The following HIVEP3 variants were observed in gnomAD, a reference collection of about 807,000 sequenced individuals.
The protein encoded by HIVEP3 is transcription factor HIVEP3.
In HIVEP3, 49 loss-of-function variants were observed where a neutral mutation model predicts 152.8. The ratio of observed to expected loss-of-function variants is 0.32; its 90% CI spans 0.26 to 0.41. HIVEP3 has a LOEUF of 0.41. Ranked by LOEUF, HIVEP3 falls within the 10% of genes least tolerant of loss-of-function variation. The probability of loss-of-function intolerance (pLI) is 1.00; values close to 1 mark genes in which losing one functional copy is unlikely to be tolerated. For missense variants in HIVEP3, 2,790 were observed against 3,103.3 expected, an observed-to-expected ratio of 0.90 and a Z score of 2.40; for synonymous variants, 1,269 against 1,289.0, an observed-to-expected ratio of 0.98 and a Z score of 0.33.
chr1:41,638,398 G>A (rs1020010423), intron 2 of HIVEP3, among the ~76,000 whole-genome samples: 2 of 142,054 alleles, frequency 1.4e-5, no homozygotes, highest in African/African-American at 5.2e-5. Flanking sequence ...AGAAAGAAAA[G>A]AAAGAAAGGA....
rs551824721 is a variant in HIVEP3 at position 41,511,455 on chromosome 1, A to G, written c.6406-189T>C. ...TGCTGAGCCAGCTGCCATCTCTGGA[A>G]TGGGCCATCTCCAGCTCGACAGTGA... On this transcript the variant is annotated intron_variant, in intron 8 of 8. Transcript: ENST00000372583. This position sits in a 1 kb window ranked among gnomAD's most constrained non-coding sequence, Gnocchi z 4.9. 4.9e-3 allele frequency among the ~76,000 whole-genome samples: 743 copies of G among 152,268 alleles called. 9 individuals carry two copies. Among genetic ancestry groups the G allele is most frequent in the African/African-American group, 0.017 (707 of 41,566 alleles).
At chr1:41,732,600 T>G (rs1035288469) in intron 1 of HIVEP3, among the ~76,000 whole-genome samples, 2 of 152,068 alleles carry the variant, frequency 1.3e-5, no homozygotes, top group Non-Finnish European at 2.9e-5. Context: ...CTACATGGCT[T>G]TGTACCCAAG....
rs150725957 is a variant in HIVEP3 at position 41,807,779 on chromosome 1, G to A, written c.-800-106784C>T. Among the ~76,000 whole-genome samples the A allele has an allele frequency of 2.9e-3, 439 of 152,324 alleles. 7 individuals are homozygous for A. Among genetic ancestry groups the A allele is most frequent in the Admixed American group, 0.026 (400 of 15,306 alleles). On this transcript the variant is annotated intron_variant, in intron 1 of 8. Coordinates refer to ENST00000372583, the MANE Select transcript of HIVEP3 (RefSeq NM_024503.5). ...CCCATCTGGGGAAGCATTTCATGACGGTTGTGATGCTTGCCCTGGATCTGA... is the reference window on the plus strand; with the variant it reads ...CCCATCTGGGGAAGCATTTCATGACAGTTGTGATGCTTGCCCTGGATCTGA...
intron 1 of HIVEP3, among the ~76,000 whole-genome samples, chr1:41,791,829 C>T (rs760428498): frequency 1.3e-5 from 2 of 151,978 alleles, no homozygotes; most frequent in African/African-American, 4.8e-5. Flanking sequence ...CCCTCCCCAC[C>T]CCCAAACCCC....
chr1:41,702,681 T>C (rs946869646), intron 1 of HIVEP3, among the ~76,000 whole-genome samples: 1 of 152,224 alleles, frequency 6.6e-6, no homozygotes, highest in African/African-American at 2.4e-5. Context: ...TGTGAGCCCC[T>C]AGGGGCATAG....
At chr1:41,663,280 G>A (rs1645747219) in intron 2 of HIVEP3, among the ~76,000 whole-genome samples, 1 of 152,240 alleles carries the variant, frequency 6.6e-6, no homozygotes, top group Non-Finnish European at 1.5e-5. Flanking sequence ...CTGACTCCAG[G>A]AACAGCCTCA....
chr1:41,980,407 C>A (rs575804391), intron 1 of HIVEP3, among the ~76,000 whole-genome samples: 1 of 152,128 alleles, frequency 6.6e-6, no homozygotes, highest in Non-Finnish European at 1.5e-5. Context: ...TGCTACAATG[C>A]GATGAATGTC....
intron 1 of HIVEP3, among the ~76,000 whole-genome samples, chr1:41,899,192 T>C (rs925607520): frequency 6.6e-6 from 1 of 152,242 alleles, no homozygotes; most frequent in Non-Finnish European, 1.5e-5. Flanking sequence ...CCTGAAGAAA[T>C]AACTTGTTCA....
intron 1 of HIVEP3, among the ~76,000 whole-genome samples, chr1:41,971,997 A>G (rs970883533): frequency 1.3e-5 from 2 of 152,128 alleles, no homozygotes; most frequent in Admixed American, 1.3e-4. Context: ...CAGACACCAA[A>G]TCTGCTGGTG....
At chr1:41,748,050 C>T (rs1172780973) in intron 1 of HIVEP3, among the ~76,000 whole-genome samples, 1 of 152,182 alleles carries the variant, frequency 6.6e-6, no homozygotes, top group Non-Finnish European at 1.5e-5. Context: ...CCAGGGCAGG[C>T]ACATGGTTCA....
intron 7 of HIVEP3, among the ~76,000 whole-genome samples, chr1:41,515,348 G>A (rs1642573025): frequency 6.6e-6 from 1 of 152,248 alleles, no homozygotes; most frequent in Admixed American, 6.5e-5. Context: ...AAAGCTATGG[G>A]GTGGAGCTGG....
At chr1:41,859,855 G>C (rs1643865012) in intron 1 of HIVEP3, among the ~76,000 whole-genome samples, 1 of 152,168 alleles carries the variant, frequency 6.6e-6, no homozygotes. Context: ...TAAAAAGGAA[G>C]CCCGTTTTCA....
chr1:41,995,186 A>G lies in HIVEP3; in HGVS notation n.119+40621T>C, dbSNP rs181988974. On this transcript the variant is annotated intron_variant and non_coding_transcript_variant, in intron 1 of 3. Transcript: ENST00000489103. ...GAAAGGCCCAGTGAAACCCAATCGC[A>G]CTAAGTGGAAGAAACCCACTCCTAG... 1.1e-3 allele frequency among the ~76,000 whole-genome samples: 168 copies of G among 152,220 alleles called. 1 individual carries two copies. The East Asian group carries it at 0.029, about 26-fold the overall frequency.
rs12406524 is a variant in HIVEP3, at chr1:41,510,649, G to A, written c.7023C>T (p.Pro2341=). 4.0e-3 allele frequency: 6,171 copies of A among 1,537,602 alleles called. 183 individuals carry two copies. In the East Asian group the frequency reaches 0.082, roughly 20 times the overall value. Residue 2341 remains proline, a synonymous_variant, in exon 9 of 9, where the codon CCC becomes CCT. Transcript: ENST00000372583. The stretch of plus-strand genomic sequence containing the variant: ...CCAGCGGCGGGGTGGCAGAAGGCTC[G>A]GGGTTGGTCGGTGCACGCGGGGACT... ...RLESPRAPTN[P]EPSATPPLDR...
intron 1 of HIVEP3, among the ~76,000 whole-genome samples, chr1:41,710,475 G>T (rs1646496425): frequency 6.6e-6 from 1 of 152,136 alleles, no homozygotes; most frequent in Admixed American, 6.5e-5. Flanking sequence ...AGAGCCTTAT[G>T]GAATGGCTCT....
intron 1 of HIVEP3, among the ~76,000 whole-genome samples, chr1:41,724,347 T>C (rs1439028215): frequency 6.6e-6 from 1 of 152,210 alleles, no homozygotes; most frequent in Non-Finnish European, 1.5e-5. Flanking sequence ...TTGGTCCCCT[T>C]AGGGAGAAAA....
intron 1 of HIVEP3, among the ~76,000 whole-genome samples, chr1:41,902,149 A>T (rs1433058272): frequency 6.6e-6 from 1 of 152,094 alleles, no homozygotes; most frequent in Non-Finnish European, 1.5e-5. Context: ...GTTTAAGTGG[A>T]GGCTTAGGGC....
intron 3 of HIVEP3, among the ~76,000 whole-genome samples, chr1:41,617,638 G>T (rs1644988241): frequency 6.6e-6 from 1 of 152,368 alleles, no homozygotes; most frequent in Non-Finnish European, 1.5e-5. Flanking sequence ...CATTGACAGT[G>T]CACAGGAGAT....
At chr1:41,732,840 A>G (rs747691252) in intron 1 of HIVEP3, among the ~76,000 whole-genome samples, 5 of 152,136 alleles carry the variant, frequency 3.3e-5, no homozygotes, top group Non-Finnish European at 5.9e-5. Flanking sequence ...TGCAGGGATC[A>G]GATGGGACTG....
Sources: allele counts gnomAD v4.1 joint callset (sites outside exome capture counted in the v4.1 genomes callset), GRCh38; gene constraint gnomAD v4.1.1; non-coding constraint Gnocchi (gnomAD v3.1); transcripts MANE v1.5; gene names NCBI Gene and HGNC (gene_info 2026-07-23, HGNC 2026-07-21).